Variants in RBFOX2 observed in about 807,000 individuals in gnomAD.
The protein encoded by RBFOX2 is RNA binding fox-1 homolog 2.
RBFOX2 carries 10 observed loss-of-function variants against 49.1 expected under a neutral mutation model. The observed-to-expected ratio is 0.20, with a 90% CI of 0.13 to 0.35. The LOEUF (loss-of-function observed/expected upper bound fraction) is 0.35. RBFOX2 is among the 10% of genes least tolerant of loss of function. The pLI is 1.00. For missense variants in RBFOX2, 323 were observed against 486.9 expected, an observed-to-expected ratio of 0.66 and a Z score of 3.17; for synonymous variants, 183 against 187.4, an observed-to-expected ratio of 0.98 and a Z score of 0.19.
chr22:35,822,266 G>A (rs1954696614), intron 1 of RBFOX2, among the ~76,000 whole-genome samples: 1 of 152,170 alleles, frequency 6.6e-6, no homozygotes, highest in African/African-American at 2.4e-5. Context: ...TCTACTGTGT[G>A]CTTTCCATTG....
chr22:35,875,607 GGTGTGTGTGTGTGTGTGTGTGT>G (rs56137825), intron 1 of RBFOX2, among the ~76,000 whole-genome samples: 123 of 117,720 alleles, frequency 1.0e-3, no homozygotes, highest in African/African-American at 2.0e-3. Context: ...TGCTCACAAG[GGTGTGTGTGTGTGTGTGTGTGT>G]GTGTGTGTGT....
chr22:35,950,409 T>C (rs934958281), intron 1 of RBFOX2, among the ~76,000 whole-genome samples: 2 of 152,280 alleles, frequency 1.3e-5, no homozygotes, highest in African/African-American at 4.8e-5. Flanking sequence ...CCAGGTCCCA[T>C]TGTGCTTGCC....
intron 1 of RBFOX2, among the ~76,000 whole-genome samples, chr22:35,828,293 A>G (rs965445170): frequency 1.6e-4 from 24 of 152,202 alleles, no homozygotes; most frequent in African/African-American, 5.5e-4. Flanking sequence ...CAGAGTCAGG[A>G]AACAAGCAAG....
At chr22:35,779,621 T>C (rs1369166804) in intron 3 of RBFOX2, among the ~76,000 whole-genome samples, 1 of 152,254 alleles carries the variant, frequency 6.6e-6, no homozygotes, top group Non-Finnish European at 1.5e-5. Flanking sequence ...AATGCATTCT[T>C]ATAATATCCT....
chr22:35,743,954 T>TAA, exon 12 of RBFOX2: 9 of 318,068 alleles, frequency 2.8e-5, no homozygotes, highest in Admixed American at 1.0e-4. Context: ...TACCACAGTT[T>TAA]AAAAAAAAAA....
chr22:36,021,097 G>A (rs1278580587), intron 1 of RBFOX2, among the ~76,000 whole-genome samples: 1 of 151,962 alleles, frequency 6.6e-6, no homozygotes, highest in East Asian at 1.9e-4. Context: ...TCCTTTGTAG[G>A]AACATGGATG....
At chr22:35,743,888 T>C (rs910355306) in exon 12 of RBFOX2, 30 of 273,644 alleles carry the variant, frequency 1.1e-4, no homozygotes, top group East Asian at 2.5e-4. Flanking sequence ...CCGTGATTGA[T>C]AGAATAAGCT....
At chr22:36,014,920 C>T (rs1324038094) in intron 1 of RBFOX2, among the ~76,000 whole-genome samples, 1 of 152,148 alleles carries the variant, frequency 6.6e-6, no homozygotes, top group Non-Finnish European at 1.5e-5. Flanking sequence ...CAAAGTTAAC[C>T]AACTGATCTC....
At chr22:36,028,125 T>A in intron 1 of RBFOX2, 115 bp downstream of exon 1, 3 of 1,290,494 alleles carry the variant, frequency 2.3e-6, no homozygotes, top group East Asian at 3.2e-5. Flanking sequence ...TGGCCCCCCA[T>A]CCCACCTCCA....
chr22:36,028,217 G>C (rs1392003978), intron 1 of RBFOX2, 23 bp downstream of exon 1: 7 of 1,477,770 alleles, frequency 4.7e-6, no homozygotes, highest in Non-Finnish European at 5.3e-6. Flanking sequence ...GCAATAACTG[G>C]GCGCCCCGTC....
chr22:35,825,019 A>C (rs1955346734), intron 1 of RBFOX2, among the ~76,000 whole-genome samples: 1 of 152,226 alleles, frequency 6.6e-6, no homozygotes, highest in African/African-American at 2.4e-5. Context: ...CAGGAGTTCC[A>C]GACCAGCCTG....
chr22:35,759,042 T>C lies in RBFOX2; in HGVS notation c.887+846A>G, dbSNP rs1286791756. On this transcript the variant is annotated intron_variant, in intron 9 of 11. Coordinates refer to ENST00000405409, the Ensembl canonical transcript of RBFOX2. The surrounding 1 kb of genome is among the most constrained non-coding windows in gnomAD (Gnocchi z 4.6). ...AAAGGTGAAGAGAAATGTCACATCT[T>C]TGATGAGGAAGTCCTTGGTACAACT... 6.6e-6 allele frequency among the ~76,000 whole-genome samples: 1 copy of C among 152,196 alleles called. No homozygotes were observed. The highest frequency in any genetic ancestry group is 1.9e-4 in the East Asian group (1 of 5,198).
intron 1 of RBFOX2, among the ~76,000 whole-genome samples, chr22:35,858,740 C>T (rs551771183): frequency 2.0e-5 from 3 of 150,462 alleles, no homozygotes; most frequent in East Asian, 2.0e-4. Flanking sequence ...ACAGGAGAAT[C>T]GCTTGAACCC....
rs1366181896 is a variant in RBFOX2, at chr22:36,014,388, G to A, written c.186+13852C>T. 3.3e-5 allele frequency among the ~76,000 whole-genome samples: 5 copies of A among 152,160 alleles called. No individual in the cohort carries two copies. The South Asian group carries it at 6.2e-4, about 19-fold the overall frequency. ...GCCTCCCAAAGTGCTGGGATTACAA[G>A]CGTGAGCCACCGCGCCCGGCCACCT... On this transcript the variant is annotated intron_variant, in intron 1 of 13. Transcript: ENST00000438146.
rs191668811 is a variant in RBFOX2, at chr22:35,982,904, C to T, written c.187-44007G>A. On this transcript the variant is annotated intron_variant, in intron 1 of 13. Transcript: ENST00000438146. ...CTACCACAGCCCTACCATTGAGCTC[C>T]AGCTCCCAAACACAAATAGCTTTTC... Among the ~76,000 whole-genome samples the T allele has an allele frequency of 9.2e-5, 14 of 152,190 alleles. No homozygotes were observed. The East Asian group carries it at 1.5e-3, about 17-fold the overall frequency.
chr22:35,745,831 C>T (rs1932435346), intron 11 of RBFOX2, 92 bp downstream of exon 13: 9 of 1,307,792 alleles, frequency 6.9e-6, no homozygotes, highest in Non-Finnish European at 9.8e-6. Flanking sequence ...GGATGAAAGG[C>T]TGAATTTACT....
chr22:35,750,881 T>A (rs560112269), intron 9 of RBFOX2, among the ~76,000 whole-genome samples: 16 of 152,372 alleles, frequency 1.1e-4, no homozygotes, highest in African/African-American at 3.8e-4. Flanking sequence ...AGTTCCAGCT[T>A]CTTCAAAGGA....
chr22:35,858,864 T>C (rs2042819222), intron 1 of RBFOX2, among the ~76,000 whole-genome samples: 1 of 150,172 alleles, frequency 6.7e-6, no homozygotes. Context: ...GCTAAAACAG[T>C]TTATACAGTA....
chr22:35,788,722 T>C (rs749156279), intron 2 of RBFOX2, among the ~76,000 whole-genome samples: 1 of 152,388 alleles, frequency 6.6e-6, no homozygotes, highest in East Asian at 1.9e-4. Flanking sequence ...TGTAGGACTA[T>C]CCAAATACAC....
Sources: allele counts gnomAD v4.1 joint callset (sites outside exome capture counted in the v4.1 genomes callset), GRCh38; gene constraint gnomAD v4.1.1; non-coding constraint Gnocchi (gnomAD v3.1); transcripts MANE v1.5; gene names NCBI Gene and HGNC (gene_info 2026-07-23, HGNC 2026-07-21).